The following TNKS2 variants were observed in gnomAD, a reference collection of about 807,000 sequenced individuals.
TNKS2 encodes tankyrase 2.
A neutral mutation model predicts 137.6 loss-of-function variants in TNKS2; 72 were observed. The observed-to-expected ratio is 0.52, with a 90% CI of 0.43 to 0.64. The LOEUF is 0.64. Ranked by LOEUF, TNKS2 falls within the 30% of genes least tolerant of loss-of-function variation. The pLI is 0.00. For missense variants in TNKS2, 1,049 were observed against 1,410.2 expected (o/e 0.74, Z 4.10); for synonymous variants, 516 against 512.1 (o/e 1.01, Z -0.10).
At chr10:91,838,331 C>T (rs141363588) in intron 13 of TNKS2, among the ~76,000 whole-genome samples, 1 of 152,072 alleles carries the variant, frequency 6.6e-6, no homozygotes, top group Admixed American at 6.5e-5. Context: ...TTTAAAATCA[C>T]TTGATGGACA....
At chr10:91,803,419 A>G (rs1024125914) in intron 1 of TNKS2, among the ~76,000 whole-genome samples, 3 of 152,178 alleles carry the variant, frequency 2.0e-5, no homozygotes, top group Non-Finnish European at 4.4e-5. Context: ...AGACAGGAGT[A>G]TCACTTGAGC....
intron 12 of TNKS2, 97 bp downstream of exon 12, chr10:91,834,121 T>A (rs573297832): frequency 4.1e-6 from 4 of 986,376 alleles, no homozygotes; most frequent in African/African-American, 1.7e-5. Context: ...ATAAGAAAAA[T>A]TGAGAATTTT....
intron 13 of TNKS2, among the ~76,000 whole-genome samples, chr10:91,837,359 G>T (rs1295684883): frequency 2.6e-5 from 4 of 152,176 alleles, no homozygotes; most frequent in Non-Finnish European, 5.9e-5. Context: ...GAAAAACAGT[G>T]TATCACTTCT....
At chr10:91,812,862 TC>T (rs1244859282) in intron 1 of TNKS2, 120 bp from the exon 2 acceptor site, 3 of 1,458,034 alleles carry the variant, frequency 2.1e-6, no homozygotes, top group Non-Finnish European at 2.7e-6. Flanking sequence ...ATTAATTAGT[TC>T]TTGAATTGTT....
At chr10:91,807,063 T>C in intron 1 of TNKS2, 2 of 1,299,860 alleles carry the variant, frequency 1.5e-6, no homozygotes, top group Non-Finnish European at 2.1e-6. Context: ...AAAAATGACC[T>C]CTAAGCTTCT....
intron 18 of TNKS2, 79 bp from the exon 19 acceptor site, chr10:91,848,303 AT>A: frequency 2.8e-6 from 4 of 1,430,636 alleles, no homozygotes; most frequent in Non-Finnish European, 3.7e-6. Context: ...GTTTTCTCAT[AT>A]TTTTAAATAT....
At chr10:91,849,965 T>G (rs1842493353) in intron 20 of TNKS2, among the ~76,000 whole-genome samples, 1 of 152,250 alleles carries the variant, frequency 6.6e-6, no homozygotes, top group African/African-American at 2.4e-5. Flanking sequence ...AGTCTCAGTT[T>G]AAAGTACTCT....
At chr10:91,809,336 G>A (rs1479998384) in intron 1 of TNKS2, among the ~76,000 whole-genome samples, 1 of 152,146 alleles carries the variant, frequency 6.6e-6, no homozygotes, top group African/African-American at 2.4e-5. Context: ...GAACCATGTG[G>A]GTATACTATC....
intron 12 of TNKS2, among the ~76,000 whole-genome samples, chr10:91,834,565 A>AGCTTT (rs1841938469): frequency 6.6e-6 from 1 of 152,252 alleles, no homozygotes; most frequent in Non-Finnish European, 1.5e-5. Context: ...TTGATGCAGT[A>AGCTTT]GCTTTGACAT....
At chr10:91,830,734 G>A (rs1845219232) in intron 9 of TNKS2, among the ~76,000 whole-genome samples, 189 bp from the exon 10 acceptor site, 1 of 152,120 alleles carries the variant, frequency 6.6e-6, no homozygotes, top group Non-Finnish European at 1.5e-5. Flanking sequence ...TTATCTGATA[G>A]GTAGGATTTT....
At chr10:91,823,993 C>T (rs1327773582) in intron 7 of TNKS2, among the ~76,000 whole-genome samples, 1 of 152,156 alleles carries the variant, frequency 6.6e-6, no homozygotes, top group African/African-American at 2.4e-5. Flanking sequence ...TCCAGCAGAA[C>T]ATTTGAAAGT....
rs527262842 is a variant in TNKS2, at chr10:91,862,832, A to G, written c.3439-105A>G. On this transcript the variant is annotated intron_variant, in intron 26 of 26. Transcript: ENST00000371627. ...TCCCTAGATGATTCTGATCTACAACAGTAATTTAGAACCTCCTCCCTAAGA... is the reference window on the plus strand; with the variant it reads ...TCCCTAGATGATTCTGATCTACAACGGTAATTTAGAACCTCCTCCCTAAGA... 2.9e-5 allele frequency: 21 copies of G among 717,152 alleles called. 1 individual carries two copies. The South Asian group carries it at 3.4e-4, about 12-fold the overall frequency. The allele number at this position is 717,152 out of a possible 1,614,324, so 44.4% of individuals were successfully genotyped here.
chr10:91,848,898 G>A (rs12413090), intron 19 of TNKS2, among the ~76,000 whole-genome samples: 49,593 of 151,972 alleles, frequency 0.33, 8,622 homozygotes, highest in South Asian at 0.53. Context: ...GTGCAGTGGC[G>A]CGATCTCGGC....
chr10:91,847,245 TC>T (rs1452253377), intron 18 of TNKS2, among the ~76,000 whole-genome samples: 1 of 152,236 alleles, frequency 6.6e-6, no homozygotes, highest in Non-Finnish European at 1.5e-5. Flanking sequence ...ACTAATTTAT[TC>T]CTTGCTGAAC....
chr10:91,832,021 C>T (rs1845266612), intron 11 of TNKS2, among the ~76,000 whole-genome samples: 1 of 152,152 alleles, frequency 6.6e-6, no homozygotes, highest in Admixed American at 6.5e-5. Context: ...TTTATTCTTA[C>T]CTATCCTTTC....
chr10:91,844,376 C>G (rs10786019), intron 16 of TNKS2, among the ~76,000 whole-genome samples: 49,563 of 151,978 alleles, frequency 0.33, 8,599 homozygotes, highest in South Asian at 0.53. Flanking sequence ...ATGGCTTTAA[C>G]AGCACCTAAG....
At chr10:91,854,801 G>A (rs888889202) in intron 21 of TNKS2, among the ~76,000 whole-genome samples, 1 of 151,570 alleles carries the variant, frequency 6.6e-6, no homozygotes. Flanking sequence ...TACCCGGGAT[G>A]CTAAGGCAGG....
chr10:91,807,446 C>G (rs1276384250), intron 1 of TNKS2: 1 of 1,613,232 alleles, frequency 6.2e-7, no homozygotes, highest in Non-Finnish European at 8.5e-7. Context: ...GCATCGTGGC[C>G]TAGAGTGGAA....
intron 25 of TNKS2, among the ~76,000 whole-genome samples, chr10:91,860,259 A>C (rs1842818897): frequency 6.6e-6 from 1 of 152,254 alleles, no homozygotes; most frequent in Admixed American, 6.5e-5. Flanking sequence ...GGCAAAAAGT[A>C]ATGCCACTTG....
Sources: allele counts gnomAD v4.1 joint callset (sites outside exome capture counted in the v4.1 genomes callset), GRCh38; gene constraint gnomAD v4.1.1; transcripts MANE v1.5; gene names NCBI Gene and HGNC (gene_info 2026-07-23, HGNC 2026-07-21).